PRKD2: variants seen among roughly 807,000 people sequenced by gnomAD.
The protein encoded by PRKD2 is serine/threonine-protein kinase D2.
In PRKD2, 22 loss-of-function variants were observed where a neutral mutation model predicts 86.0. The observed-to-expected ratio is 0.26, with a 90% CI of 0.18 to 0.37. The LOEUF (loss-of-function observed/expected upper bound fraction) is 0.37. Ranked by LOEUF, PRKD2 falls within the 10% of genes least tolerant of loss-of-function variation. PRKD2 has a pLI of 1.00. For synonymous variants in PRKD2, 509 were observed against 510.9 expected (o/e 1.00, Z 0.05); for missense variants, 818 against 1,199.2 (o/e 0.68, Z 4.70).
At chr19:46,676,199 C>T (rs530271787) in intron 16 of PRKD2, among the ~76,000 whole-genome samples, 232 of 152,198 alleles carry the variant, frequency 1.5e-3, no homozygotes, top group African/African-American at 5.3e-3. Context: ...GAGGCCGAGG[C>T]GGGTGGATCA....
chr19:46,694,322 C>G (rs770878289), intron 9 of PRKD2, among the ~76,000 whole-genome samples, 189 bp from the exon 10 acceptor site: 3 of 152,158 alleles, frequency 2.0e-5, no homozygotes, highest in Non-Finnish European at 4.4e-5. Context: ...AGGCCAGGTG[C>G]GGTGGCTCAT....
rs2053162365 is a variant in PRKD2 at position 46,674,351 on chromosome 19, C to T, written c.*172G>A. On this transcript the variant is annotated 3_prime_UTR_variant, in exon 18 of 18. Transcript: ENST00000291281. ...AAGGCCATGGGGCCAGAGATGAGTC[C>T]GTTTTAATTGCTGGGGAAACAGGGA... 3.0e-6 allele frequency: 2 copies of T among 667,818 alleles called. No individual in the cohort carries two copies. The highest frequency in any genetic ancestry group is 3.0e-5 in the Admixed American group (1 of 33,332). The allele number at this position is 667,818 out of a possible 1,614,324, so 41.4% of individuals were successfully genotyped here. A position where few individuals can be genotyped will look rare whatever the true frequency, so the allele number is the denominator to read the frequency against.
At chr19:46,677,891 T>G (rs1174540335) in intron 16 of PRKD2, among the ~76,000 whole-genome samples, 2 of 152,194 alleles carry the variant, frequency 1.3e-5, no homozygotes, top group Non-Finnish European at 1.5e-5. Context: ...CAGGCCCATC[T>G]TCACCCAAGT....
Position 46,694,062 on chromosome 19 carries a change from G to C in PRKD2, c.1389C>G (p.Asn463Lys). The C allele has an allele frequency of 1.2e-6, 2 of 1,614,196 alleles. No individual in the cohort carries two copies. ...CAGTGACGATCTCAAAGCAGTGTGG[G>C]TTGGTGCCCGGCGGCACAAGGCTGA... ...QNFSLVPPGT[N>K]PHCFEIVTAN... Residue 463 changes from asparagine to lysine, a missense_variant, in exon 10 of 18, where the codon AAC becomes AAG. Around this residue, in one of 5 missense-constraint regions of PRKD2, gnomAD observed 127 missense variants for 157.8 expected, o/e 0.80. Coordinates refer to ENST00000291281, the MANE Select transcript of PRKD2 (RefSeq NM_016457.5).
At chr19:46,687,108 C>T (rs1050807461) in intron 14 of PRKD2, among the ~76,000 whole-genome samples, 3 of 151,898 alleles carry the variant, frequency 2.0e-5, no homozygotes, top group Non-Finnish European at 4.4e-5. Flanking sequence ...GAACAGAGGC[C>T]GGGCACAGTG....
At position 46,693,309 on chromosome 19, in the gene PRKD2, C is replaced by A. The variant is rs190607386; in HGVS notation, c.1576+566G>T. The stretch of plus-strand genomic sequence containing the variant: ...CCACCACTGGGTCCCCAGCACTGTC[C>A]CGCACAGAGGAGGCACTCAGTAAGT... On this transcript the variant is annotated intron_variant, in intron 10 of 17. Transcript: ENST00000291281. The surrounding 1 kb of genome is among the most constrained non-coding windows in gnomAD (Gnocchi z 4.5). Among the ~76,000 whole-genome samples the A allele has an allele frequency of 6.6e-6, 1 of 152,194 alleles. No homozygotes were observed.
At chr19:46,708,129 T>C (rs2053743173) in intron 3 of PRKD2, among the ~76,000 whole-genome samples, 1 of 151,904 alleles carries the variant, frequency 6.6e-6, no homozygotes, top group Non-Finnish European at 1.5e-5. Context: ...TTTTAAACTA[T>C]GATTTAAGGA....
intron 11 of PRKD2, 44 bp downstream of exon 11, chr19:46,691,889 G>T (rs758168828): frequency 6.2e-7 from 1 of 1,611,362 alleles, no homozygotes; most frequent in South Asian, 1.1e-5. Flanking sequence ...AGCTGAGGAG[G>T]GTTTGTGGGA....
rs201126800 is a variant in PRKD2 at position 46,689,678 on chromosome 19, G to A, written c.1830C>T (p.Ile610=). ...AILQSLRHPG[I]VNLECMFETP... is the part of the protein sequence containing the mutation. Reference sequence around the variant, plus strand: ...TCTCGAACATGCACTCCAGGTTCACGATCCCGGGATGCCGCAGGCTCTGCA... The same window carrying A: ...TCTCGAACATGCACTCCAGGTTCACAATCCCGGGATGCCGCAGGCTCTGCA... Residue 610 remains isoleucine, a synonymous_variant, in exon 14 of 18, where the codon ATC becomes ATT. Transcript: ENST00000291281. 1.7e-5 allele frequency: 27 copies of A among 1,613,962 alleles called. No individual in the cohort carries two copies. The highest frequency in any genetic ancestry group is 2.7e-5 in the African/African-American group (2 of 74,910).
At chr19:46,692,241 ATG>A (rs975077485) in intron 10 of PRKD2, among the ~76,000 whole-genome samples, 1 of 152,076 alleles carries the variant, frequency 6.6e-6, no homozygotes, top group Non-Finnish European at 1.5e-5. Context: ...TAAAGGAGTG[ATG>A]TTACAGATGA....
intron 5 of PRKD2, among the ~76,000 whole-genome samples, chr19:46,701,370 C>T (rs1041004273): frequency 8.6e-5 from 13 of 151,758 alleles, no homozygotes; most frequent in African/African-American, 3.1e-4. Context: ...CCTGTAATCT[C>T]GGTATTTTGG....
intron 14 of PRKD2, among the ~76,000 whole-genome samples, chr19:46,688,346 C>T (rs114055559): frequency 0.027 from 4,105 of 151,976 alleles, 160 homozygotes; most frequent in African/African-American, 0.093. Flanking sequence ...GGGAGCCTGA[C>T]TGATCATTTA....
intron 7 of PRKD2, among the ~76,000 whole-genome samples, chr19:46,700,005 G>A (rs1488735009): frequency 6.6e-6 from 1 of 151,910 alleles, no homozygotes; most frequent in Non-Finnish European, 1.5e-5. Context: ...GGAGGCCGAG[G>A]CAGGTGGATT....
At chr19:46,700,695 T>C in intron 7 of PRKD2, 104 bp downstream of exon 7, 1 of 1,415,232 alleles carries the variant, frequency 7.1e-7, no homozygotes, top group East Asian at 2.4e-5. Flanking sequence ...CTGGGAAAAT[T>C]TATAAATATG....
intron 5 of PRKD2, among the ~76,000 whole-genome samples, chr19:46,703,314 T>C (rs548452356): frequency 6.6e-6 from 1 of 152,268 alleles, no homozygotes; most frequent in Admixed American, 6.5e-5. Flanking sequence ...GTTATGAATC[T>C]AGGATTCCAA....
Position 46,697,489 on chromosome 19 carries a change from C to G in PRKD2, c.1239+244G>C, listed in dbSNP as rs187527226. 3.1e-4 allele frequency: 180 copies of G among 583,584 alleles called. 2 individuals are homozygous for G. The Admixed American group carries it at 5.1e-3, about 16-fold the overall frequency. 36.2% of individuals were successfully genotyped at this position (583,584 alleles called of 1,614,324 possible). On this transcript the variant is annotated intron_variant, in intron 8 of 17. Transcript: ENST00000291281. ...GCCCTCTTCCTCCAGCCAAGCTCCTCCCCTAACTCTAGCCCCGCCCCTGAC... is the reference window on the plus strand; with the variant it reads ...GCCCTCTTCCTCCAGCCAAGCTCCTGCCCTAACTCTAGCCCCGCCCCTGAC...
Position 46,693,393 on chromosome 19 carries a change from G to A in PRKD2, c.1576+482C>T, listed in dbSNP as rs2053510351. ...CATGGAGGGGAAGTGATATGCCCAG[G>A]GCCACATATCAGGCCAGGAGCTTAA... On this transcript the variant is annotated intron_variant, in intron 10 of 17. Coordinates refer to ENST00000291281, the MANE Select transcript of PRKD2 (RefSeq NM_016457.5). The surrounding 1 kb of genome is among the most constrained non-coding windows in gnomAD (Gnocchi z 4.5). Among the ~76,000 whole-genome samples, 1 of 152,190 alleles carries A rather than the reference G, an allele frequency of 6.6e-6. No individual in the cohort carries two copies. The highest frequency in any genetic ancestry group is 1.5e-5 in the Non-Finnish European group (1 of 68,040).
Position 46,716,262 on chromosome 19 carries a change from G to C in PRKD2, c.109C>G (p.Gln37Glu). 1 of 1,594,994 alleles carries C rather than the reference G, an allele frequency of 6.3e-7. No homozygotes were observed. Among genetic ancestry groups the C allele is most frequent in the South Asian group, 1.1e-5 (1 of 89,844 alleles). Residue 37 changes from glutamine (Q) to glutamate (E), a missense_variant, in exon 1 of 18, where the codon CAG becomes GAG. Coordinates refer to ENST00000291281, the MANE Select transcript of PRKD2 (RefSeq NM_016457.5). The surrounding 1 kb of genome is among the most constrained non-coding windows in gnomAD (Gnocchi z 7.9). ...ELQSPPPLLP[Q>E]IPAPGSGVSF... ...ACCCCGGAACCCGGGGCCGGGATCT[G>C]GGGCAGTAGCGGTGGCGGCGACTGC...
At position 46,713,931 on chromosome 19, in the gene PRKD2, T is replaced by C. The variant is rs2053845772; in HGVS notation, c.311A>G (p.Asn104Ser). 1 of 1,612,116 alleles carries C rather than the reference T, an allele frequency of 6.2e-7. No individual in the cohort carries two copies. The highest frequency in any genetic ancestry group is 2.2e-5 in the East Asian group (1 of 44,774). The change falls in exon 2 of 18, where the codon AAC becomes AGC. Residue 104 changes from asparagine (N) to serine (S), a missense_variant. Physicochemically the swap from Asn to Ser is conservative, Grantham distance 46 (BLOSUM62 1). Coordinates refer to ENST00000291281, the MANE Select transcript of PRKD2 (RefSeq NM_016457.5). ...GGACGAGCGCACCAGCTGCAGGAGGTTGGCCGACGTGGGGTCATGTTTGAA... is the reference window on the plus strand; with the variant it reads ...GGACGAGCGCACCAGCTGCAGGAGGCTGGCCGACGTGGGGTCATGTTTGAA... ...LLFKHDPTSANLLQLVRSSGD... is the reference protein window; with the variant it reads ...LLFKHDPTSASLLQLVRSSGD...
Sources: gnomAD v4.1 joint callset for allele counts (sites outside exome capture counted in the v4.1 genomes callset) on GRCh38, gnomAD v4.1.1 for gene constraint, gnomAD v4.1.1 regional missense constraint, Gnocchi (gnomAD v3.1) non-coding constraint, MANE v1.5 for transcripts, NCBI Gene and HGNC (gene_info 2026-07-23, HGNC 2026-07-21) for gene names.